GRID1: variants seen among roughly 807,000 people sequenced by gnomAD.
The protein encoded by GRID1 is glutamate ionotropic receptor delta type subunit 1.
In GRID1, 28 loss-of-function variants were observed where a neutral mutation model predicts 98.0. The ratio of observed to expected loss-of-function variants is 0.29; its 90% confidence interval spans 0.21 to 0.39. The LOEUF (loss-of-function observed/expected upper bound fraction) is 0.39. GRID1 is among the 10% of genes least tolerant of loss of function. The pLI, the probability that GRID1 is intolerant of heterozygous loss-of-function variation, is 1.00. For synonymous variants in GRID1, 553 were observed against 538.5 expected, an observed-to-expected ratio of 1.03 and a Z score of -0.37; for missense variants, 1,111 against 1,340.5, an observed-to-expected ratio of 0.83 and a Z score of 2.67.
Position 86,366,222 on chromosome 10 carries a change from C to G in GRID1, c.79+92G>C. On this transcript the variant is annotated intron_variant, in intron 1 of 15. Coordinates refer to ENST00000327946, the MANE Select transcript of GRID1 (RefSeq NM_017551.3). The surrounding 1 kb of genome is among the most constrained non-coding windows in gnomAD (Gnocchi z 4.1). Reference sequence around the variant, plus strand: ...GGGGAGCACCGCCCGCCGAGCCCCTCGGCCCAGGGAAACGCCAAGTTTGGA... The same window carrying G: ...GGGGAGCACCGCCCGCCGAGCCCCTGGGCCCAGGGAAACGCCAAGTTTGGA... 1.2e-6 allele frequency: 1 copy of G among 852,352 alleles called. No homozygotes were observed. Among genetic ancestry groups the G allele is most frequent in the Non-Finnish European group, 1.7e-6 (1 of 600,190 alleles). The allele number at this position is 852,352 out of a possible 1,614,324, so 52.8% of individuals were successfully genotyped here. A position where few individuals can be genotyped will look rare whatever the true frequency, so the allele number is the denominator to read the frequency against.
At chr10:85,974,325 C>G (rs2131856948) in intron 4 of GRID1, among the ~76,000 whole-genome samples, 1 of 152,004 alleles carries the variant, frequency 6.6e-6, no homozygotes, top group South Asian at 2.1e-4. Flanking sequence ...TTTTGTAAAA[C>G]AGAGATTATC....
chr10:86,111,575 C>A lies in GRID1; in HGVS notation c.726+27244G>T, dbSNP rs76877966. 7.7e-3 allele frequency among the ~76,000 whole-genome samples: 1,166 copies of A among 152,286 alleles called. 19 individuals are homozygous for A. Among genetic ancestry groups the A allele is most frequent in the African/African-American group, 0.026 (1,097 of 41,558 alleles). ...TATGTGTTCTATAAATTAAACTGGG[C>A]AAGAGCTGTCACTCACTTAACAGGT... On this transcript the variant is annotated intron_variant, in intron 4 of 15. Transcript: ENST00000327946.
At chr10:86,109,714 G>A (rs761870106) in intron 4 of GRID1, among the ~76,000 whole-genome samples, 1 of 152,126 alleles carries the variant, frequency 6.6e-6, no homozygotes, top group Admixed American at 6.6e-5. Context: ...CACTTAGTTG[G>A]TCTAGATGGG....
chr10:85,647,225 T>C lies in GRID1; in HGVS notation c.2170A>G (p.Ser724Gly), dbSNP rs756542952. The change falls in exon 13 of 16, where the codon AGT (serine) becomes GGT (glycine). Residue 724 changes from serine to glycine, a missense_variant. By Grantham distance (56) the Ser-to-Gly change is moderately conservative. This residue lies in a region of GRID1 where 762 missense variants were observed against 869.1 expected (regional missense o/e 0.88). Coordinates refer to ENST00000327946, the MANE Select transcript of GRID1 (RefSeq NM_017551.3). ...KNGGADNCVS[S>G]PSEGIRKAKK... ...ACCTTCCTGATGCCTTCTGAAGGAC[T>C]GGACACGCAGTTGTCAGCCCCTCCG... 1 of 1,614,200 alleles carries C rather than the reference T, an allele frequency of 6.2e-7. No homozygotes were observed. Among genetic ancestry groups the C allele is most frequent in the Non-Finnish European group, 8.5e-7 (1 of 1,180,004 alleles).
At chr10:86,163,776 G>A (rs1360663061) in intron 3 of GRID1, among the ~76,000 whole-genome samples, 1 of 152,184 alleles carries the variant, frequency 6.6e-6, no homozygotes, top group Non-Finnish European at 1.5e-5. Flanking sequence ...GGCAGGGATG[G>A]TGGGGGCAGT....
intron 4 of GRID1, among the ~76,000 whole-genome samples, chr10:85,983,128 G>A (rs554337461): frequency 9.2e-5 from 14 of 152,274 alleles, no homozygotes; most frequent in African/African-American, 2.6e-4. Flanking sequence ...GGTCTCTGCC[G>A]GGGAAGCAGG....
In GRID1 at chr10:85,747,263, C is replaced by T. The variant is rs147711170; in HGVS notation, c.1234-17649G>A. On this transcript the variant is annotated intron_variant, in intron 8 of 15. Coordinates refer to ENST00000327946, the MANE Select transcript of GRID1 (RefSeq NM_017551.3). Reference sequence around the variant, plus strand: ...CATAGCAGTGACTGTATAGGCATTTCGTTATTTAATGGAGGAAGAAATAAA... The same window carrying T: ...CATAGCAGTGACTGTATAGGCATTTTGTTATTTAATGGAGGAAGAAATAAA... Among the ~76,000 whole-genome samples, 372 of 151,988 alleles carry T rather than the reference C, an allele frequency of 2.4e-3. 3 individuals are homozygous for T. The highest frequency in any genetic ancestry group is 8.4e-3 in the African/African-American group (347 of 41,448).
intron 12 of GRID1, among the ~76,000 whole-genome samples, chr10:85,669,320 C>T (rs1244337239): frequency 6.6e-6 from 1 of 152,168 alleles, no homozygotes; most frequent in African/African-American, 2.4e-5. Context: ...TTACAGAGAG[C>T]ATCTCTTCAT....
intron 10 of GRID1, 85 bp downstream of exon 10, chr10:85,727,770 T>C: frequency 1.0e-6 from 1 of 1,001,404 alleles, no homozygotes; most frequent in Non-Finnish European, 1.6e-6. Flanking sequence ...TCCCAAGGTT[T>C]CCACTGTGCA....
At chr10:86,172,058 T>G (rs1326558881) in intron 3 of GRID1, among the ~76,000 whole-genome samples, 1 of 152,158 alleles carries the variant, frequency 6.6e-6, no homozygotes, top group Non-Finnish European at 1.5e-5. Flanking sequence ...AATGGCTTAT[T>G]ATATTCAGAC....
At chr10:85,687,585 G>A (rs1841284301) in intron 12 of GRID1, among the ~76,000 whole-genome samples, 1 of 151,950 alleles carries the variant, frequency 6.6e-6, no homozygotes, top group Non-Finnish European at 1.5e-5. Context: ...AGCTAAGATG[G>A]CGTCACTGTA....
At chr10:86,128,828 A>G (rs1844793308) in intron 4 of GRID1, among the ~76,000 whole-genome samples, 1 of 152,016 alleles carries the variant, frequency 6.6e-6, no homozygotes, top group Non-Finnish European at 1.5e-5. Flanking sequence ...CTCCCCACTC[A>G]CACATCAGTC....
chr10:85,871,195 G>A (rs928620342), intron 5 of GRID1, among the ~76,000 whole-genome samples: 3 of 152,176 alleles, frequency 2.0e-5, no homozygotes, highest in African/African-American at 7.2e-5. Flanking sequence ...GCCTTGCTCA[G>A]AATGCTCACG....
intron 8 of GRID1, among the ~76,000 whole-genome samples, chr10:85,827,518 C>T (rs1417516041): frequency 6.6e-6 from 1 of 151,954 alleles, no homozygotes; most frequent in Non-Finnish European, 1.5e-5. Context: ...GACTCATAGG[C>T]CAAATCTATG....
At chr10:85,641,912 T>A (rs1843126043) in intron 13 of GRID1, among the ~76,000 whole-genome samples, 1 of 152,110 alleles carries the variant, frequency 6.6e-6, no homozygotes, top group African/African-American at 2.4e-5. Flanking sequence ...GAGGCACCTA[T>A]GAGCTGTTAA....
chr10:86,082,402 T>C (rs1589365038), intron 4 of GRID1, among the ~76,000 whole-genome samples: 1 of 152,104 alleles, frequency 6.6e-6, no homozygotes, highest in Non-Finnish European at 1.5e-5. Flanking sequence ...CAGCGGCAGG[T>C]GCAGAGCAGG....
chr10:86,234,025 T>A (rs1390697973), intron 2 of GRID1, among the ~76,000 whole-genome samples: 1 of 152,102 alleles, frequency 6.6e-6, no homozygotes, highest in African/African-American at 2.4e-5. Context: ...CACTACCTGC[T>A]CCAGTTGCTG....
chr10:85,791,270 A>G (rs569072931), intron 8 of GRID1, among the ~76,000 whole-genome samples: 2 of 152,348 alleles, frequency 1.3e-5, no homozygotes, highest in East Asian at 3.9e-4. Context: ...CACCCAGGCC[A>G]TGAAAGATGC....
chr10:86,348,931 C>T (rs1340004651), intron 2 of GRID1, among the ~76,000 whole-genome samples: 2 of 152,272 alleles, frequency 1.3e-5, no homozygotes, highest in Admixed American at 1.3e-4. Flanking sequence ...TGTACAACTA[C>T]AGAGCTTCAA....
Sources: gnomAD v4.1 joint callset for allele counts (sites outside exome capture counted in the v4.1 genomes callset) on GRCh38, gnomAD v4.1.1 for gene constraint, gnomAD v4.1.1 regional missense constraint, Gnocchi (gnomAD v3.1) non-coding constraint, MANE v1.5 for transcripts, NCBI Gene and HGNC (gene_info 2026-07-23, HGNC 2026-07-21) for gene names.